Variants in CPA6 observed in about 807,000 individuals in gnomAD.
CPA6 encodes carboxypeptidase A6, also known as carboxypeptidase B.
In CPA6, 58 loss-of-function variants were observed where a neutral mutation model predicts 63.3. The ratio of observed to expected loss-of-function variants is 0.92; its 90% CI spans 0.74 to 1.14. The LOEUF is 1.14. Ranked by LOEUF, CPA6 falls within the 50% of genes most tolerant of loss-of-function variation. The pLI is 0.00. For synonymous variants in CPA6, 185 were observed against 179.0 expected (o/e 1.03, Z -0.27); for missense variants, 565 against 526.6 (o/e 1.07, Z -0.71).
chr8:67,573,091 C>T (rs1356375846), intron 2 of CPA6, among the ~76,000 whole-genome samples: 1 of 152,168 alleles, frequency 6.6e-6, no homozygotes, highest in Non-Finnish European at 1.5e-5. Flanking sequence ...GATAAAACCA[C>T]TCAACAAATT....
At position 67,637,981 on chromosome 8, in the gene CPA6, T is replaced by TGTGTG. The variant is rs1563372142; in HGVS notation, c.117-13731_117-13730insCACAC. Among the ~76,000 whole-genome samples, 1,003 of 146,666 alleles carry TGTGTG rather than the reference T, an allele frequency of 6.8e-3. 17 individuals are homozygous for TGTGTG. The highest frequency in any genetic ancestry group is 0.015 in the African/African-American group (574 of 38,452). On this transcript the variant is annotated intron_variant, in intron 1 of 10. Coordinates refer to ENST00000297770, the MANE Select transcript of CPA6 (RefSeq NM_020361.5). ...AAAGCCCTTAGTAATGCTAGAAATT[T>TGTGTG]TGTGTGTGTGTGTGTGTGTGTGTGT...
At chr8:67,712,708 T>G (rs969693442) in intron 1 of CPA6, among the ~76,000 whole-genome samples, 1 of 152,110 alleles carries the variant, frequency 6.6e-6, no homozygotes, top group Admixed American at 6.5e-5. Flanking sequence ...GAACACCGAA[T>G]TTTTCAATAG....
intron 1 of CPA6, among the ~76,000 whole-genome samples, chr8:67,632,857 T>C (rs375746300): frequency 6.6e-6 from 1 of 152,244 alleles, no homozygotes; most frequent in African/African-American, 2.4e-5. Context: ...CTAATATGTA[T>C]TCAAGTTCTA....
chr8:67,628,224 A>C (rs1442028598), intron 1 of CPA6, among the ~76,000 whole-genome samples: 1 of 151,890 alleles, frequency 6.6e-6, no homozygotes, highest in Admixed American at 6.6e-5. Flanking sequence ...AAAAAAAAAA[A>C]AGTTCTAAGA....
intron 1 of CPA6, among the ~76,000 whole-genome samples, chr8:67,654,554 A>T (rs1254370407): frequency 6.6e-6 from 1 of 151,990 alleles, no homozygotes; most frequent in East Asian, 1.9e-4. Context: ...GTATTCTCTG[A>T]TGGTAGTTTG....
At chr8:67,467,886 TAAA>T (rs539603315) in intron 8 of CPA6, among the ~76,000 whole-genome samples, 10 of 109,752 alleles carry the variant, frequency 9.1e-5, no homozygotes, top group Admixed American at 9.7e-5. Flanking sequence ...AAACCCCGTC[TAAA>T]AAAAAAAAAA....
intron 1 of CPA6, among the ~76,000 whole-genome samples, chr8:67,686,001 G>A (rs1300211097): frequency 4.6e-5 from 7 of 152,176 alleles, no homozygotes; most frequent in Non-Finnish European, 1.0e-4. Context: ...TTTCTTCACA[G>A]CACTCACTGC....
chr8:67,442,596 C>T (rs894251164), intron 8 of CPA6, among the ~76,000 whole-genome samples: 17 of 152,126 alleles, frequency 1.1e-4, no homozygotes, highest in Admixed American at 7.2e-4. Context: ...CAACATAAAA[C>T]GTGAGTCAGA....
chr8:67,655,484 C>T (rs1815962671), intron 1 of CPA6, among the ~76,000 whole-genome samples: 1 of 152,106 alleles, frequency 6.6e-6, no homozygotes, highest in African/African-American at 2.4e-5. Flanking sequence ...TGAGATTAAT[C>T]CTAAACCCCT....
chr8:67,583,976 T>G (rs1813848787), intron 2 of CPA6, among the ~76,000 whole-genome samples: 1 of 151,852 alleles, frequency 6.6e-6, no homozygotes, highest in African/African-American at 2.4e-5. Context: ...GCCAACATGG[T>G]GAATCCCCGT....
rs941020108 is a variant in CPA6 at position 67,590,288 on chromosome 8, A to G, written c.192+33888T>C. ...CCACATTTTCTTAATCCAGTCTATC[A>G]TTGTTGGACATTTGGCTTGGTTCCA... On this transcript the variant is annotated intron_variant, in intron 2 of 10. Transcript: ENST00000297770. Among the ~76,000 whole-genome samples the G allele has an allele frequency of 3.6e-3, 548 of 151,306 alleles. 3 individuals are homozygous for G. Among genetic ancestry groups the G allele is most frequent in the African/African-American group, 0.012 (504 of 41,212 alleles).
At chr8:67,658,102 G>A (rs1312601090) in intron 1 of CPA6, among the ~76,000 whole-genome samples, 2 of 151,982 alleles carry the variant, frequency 1.3e-5, no homozygotes, top group South Asian at 2.1e-4. Context: ...CTCCTACAGC[G>A]AATACTCTTC....
At chr8:67,536,456 C>T (rs1007674282) in intron 2 of CPA6, among the ~76,000 whole-genome samples, 8 of 152,154 alleles carry the variant, frequency 5.3e-5, no homozygotes, top group Non-Finnish European at 1.2e-4. Flanking sequence ...CTCTTTGTAG[C>T]AATTGTGAAT....
intron 6 of CPA6, among the ~76,000 whole-genome samples, chr8:67,503,571 G>T (rs1811872246): frequency 6.6e-6 from 1 of 150,502 alleles, no homozygotes; most frequent in African/African-American, 2.5e-5. Context: ...GCCTCCCGAA[G>T]TGCTGGGATT....
At chr8:67,565,244 C>T (rs78250135) in intron 2 of CPA6, among the ~76,000 whole-genome samples, 4,405 of 151,772 alleles carry the variant, frequency 0.029, 95 homozygotes, top group African/African-American at 0.062. Context: ...GCAGAATCCT[C>T]CTCAAAACCC....
chr8:67,681,446 T>C (rs1224405084), intron 1 of CPA6, among the ~76,000 whole-genome samples: 4 of 151,636 alleles, frequency 2.6e-5, no homozygotes, highest in African/African-American at 9.7e-5. Flanking sequence ...CCTGACCTCA[T>C]GATCCACTCG....
At chr8:67,438,110 G>A (rs989012716) in intron 8 of CPA6, among the ~76,000 whole-genome samples, 1 of 152,110 alleles carries the variant, frequency 6.6e-6, no homozygotes, top group Admixed American at 6.5e-5. Context: ...TAGAGACGGG[G>A]TTTCACCATG....
chr8:67,706,234 G>C (rs1012759412), intron 1 of CPA6, among the ~76,000 whole-genome samples: 4 of 152,140 alleles, frequency 2.6e-5, no homozygotes, highest in African/African-American at 9.7e-5. Flanking sequence ...TAAATTCTAG[G>C]TAAGGACTGT....
chr8:67,577,548 A>G (rs1564007554), intron 2 of CPA6, among the ~76,000 whole-genome samples: 1 of 152,150 alleles, frequency 6.6e-6, no homozygotes, highest in Non-Finnish European at 1.5e-5. Flanking sequence ...AAGATGGCTA[A>G]TTTTTTGTAT....
Sources: gnomAD v4.1 joint callset for allele counts (sites outside exome capture counted in the v4.1 genomes callset) on GRCh38, gnomAD v4.1.1 for gene constraint, MANE v1.5 for transcripts, NCBI Gene and HGNC (gene_info 2026-07-23, HGNC 2026-07-21) for gene names.